The following MIB1 variants were observed in gnomAD, a reference collection of about 807,000 sequenced individuals.
MIB1 encodes MIB E3 ubiquitin protein ligase 1.
MIB1 carries 278 observed loss-of-function variants against 124.5 expected under a neutral mutation model. That is an observed-to-expected ratio of 2.23 (90% CI 2.02 to 2.47). The LOEUF is 2.47. Ranked by LOEUF, MIB1 falls within the 30% of genes most tolerant of loss-of-function variation. The pLI, the probability that MIB1 is intolerant of heterozygous loss-of-function variation, is 0.00. For synonymous variants in MIB1, 446 were observed against 429.4 expected (o/e 1.04, Z -0.48); for missense variants, 957 against 1,254.4 (o/e 0.76, Z 3.58).
At chr18:21,719,183 C>T (rs1001249697) in intron 1 of MIB1, among the ~76,000 whole-genome samples, 11 of 145,870 alleles carry the variant, frequency 7.5e-5, no homozygotes, top group Admixed American at 3.4e-4. Flanking sequence ...AGCAAAACTC[C>T]GTCTCAAAAA....
At chr18:21,803,402 A>G (rs533857589) in intron 9 of MIB1, among the ~76,000 whole-genome samples, 3 of 152,332 alleles carry the variant, frequency 2.0e-5, no homozygotes, top group African/African-American at 7.2e-5. Flanking sequence ...CTGCTTTATA[A>G]TAGTTGTATA....
chr18:21,756,700 G>T (rs926042516), intron 1 of MIB1, among the ~76,000 whole-genome samples: 3 of 152,146 alleles, frequency 2.0e-5, no homozygotes, highest in Non-Finnish European at 4.4e-5. Flanking sequence ...CTGATCTTAG[G>T]TGATCTGCCC....
At chr18:21,775,224 C>T (rs1169202149) in intron 4 of MIB1, among the ~76,000 whole-genome samples, 4 of 151,928 alleles carry the variant, frequency 2.6e-5, no homozygotes, top group African/African-American at 9.7e-5. Context: ...GGATTACAGG[C>T]GCGAGCCACC....
intron 12 of MIB1, among the ~76,000 whole-genome samples, chr18:21,834,181 T>C (rs1380941396): frequency 6.6e-6 from 1 of 152,236 alleles, no homozygotes; most frequent in Non-Finnish European, 1.5e-5. Flanking sequence ...GGAGACAGGC[T>C]GCTCTGAACT....
intron 12 of MIB1, among the ~76,000 whole-genome samples, chr18:21,825,281 CTTTAA>C (rs1426527372): frequency 1.3e-5 from 2 of 152,104 alleles, no homozygotes; most frequent in Non-Finnish European, 2.9e-5. Context: ...TTACAGTTTT[CTTTAA>C]TTTAAATATG....
upstream of MIB1, among the ~76,000 whole-genome samples, chr18:21,740,738 C>T (rs558885867): frequency 1.6e-4 from 24 of 152,372 alleles, no homozygotes; most frequent in African/African-American, 5.5e-4. Flanking sequence ...TCGCCCGGGG[C>T]TGGGGTTGGG....
rs776380810 is a variant in MIB1 at position 21,847,113 on chromosome 18, A to AG, written c.2383dup (p.Glu795GlyfsTer16). The AG allele has an allele frequency of 6.2e-7, 1 of 1,614,050 alleles. No individual in the cohort carries two copies. ...TGCAAAGCACTGGCAAAGTGTCATA[A>AG]GGAAAAAGTCAGGTTTGTATTATTT... On this transcript the variant is annotated frameshift_variant, in exon 16 of 21. Coordinates refer to ENST00000261537, the MANE Select transcript of MIB1 (RefSeq NM_020774.4). LOFTEE classifies it high-confidence loss of function.
At chr18:21,728,431 T>A (rs559050351) in intron 1 of MIB1, among the ~76,000 whole-genome samples, 1 of 152,020 alleles carries the variant, frequency 6.6e-6, no homozygotes, top group East Asian at 1.9e-4. Flanking sequence ...AGGTGGAGGT[T>A]GCAGTGAGCC....
intron 1 of MIB1, among the ~76,000 whole-genome samples, chr18:21,757,176 A>AT (rs1272045500): frequency 1.3e-5 from 2 of 151,782 alleles, no homozygotes; most frequent in African/African-American, 4.8e-5. Context: ...CTTTTAGGCC[A>AT]TGCGGTGGCT....
At chr18:21,766,068 C>A in intron 2 of MIB1, 125 bp downstream of exon 2, 1 of 850,526 alleles carries the variant, frequency 1.2e-6, no homozygotes, top group Non-Finnish European at 1.9e-6. Flanking sequence ...AGGAGGTACC[C>A]AATAGTAGGA....
chr18:21,720,254 G>A (rs1436644839), intron 1 of MIB1, among the ~76,000 whole-genome samples: 1 of 152,162 alleles, frequency 6.6e-6, no homozygotes, highest in African/African-American at 2.4e-5. Flanking sequence ...TATAGGTCTA[G>A]TAAATGAGTA....
intron 1 of MIB1, among the ~76,000 whole-genome samples, chr18:21,750,887 G>A (rs2040967198): frequency 6.6e-6 from 1 of 152,030 alleles, no homozygotes; most frequent in African/African-American, 2.4e-5. Context: ...GTAAATATAT[G>A]CTTCTTTTTA....
At chr18:21,856,792 A>G (rs1348720136) in intron 18 of MIB1, among the ~76,000 whole-genome samples, 2 of 152,258 alleles carry the variant, frequency 1.3e-5, no homozygotes, top group Non-Finnish European at 2.9e-5. Context: ...ATTAGTTGAC[A>G]TTTGTCAATA....
At chr18:21,717,998 C>T (rs1488450697) in intron 1 of MIB1, among the ~76,000 whole-genome samples, 1 of 152,134 alleles carries the variant, frequency 6.6e-6, no homozygotes, top group Non-Finnish European at 1.5e-5. Context: ...AACCCAAATG[C>T]CCATCAGTCA....
At chr18:21,839,929 C>A (rs747136866) in intron 13 of MIB1, among the ~76,000 whole-genome samples, 1 of 152,160 alleles carries the variant, frequency 6.6e-6, no homozygotes, top group Non-Finnish European at 1.5e-5. Context: ...GTAGCACACC[C>A]CTGTAATGCC....
At chr18:21,803,050 T>A (rs932494594) in intron 9 of MIB1, among the ~76,000 whole-genome samples, 1 of 152,218 alleles carries the variant, frequency 6.6e-6, no homozygotes, top group Admixed American at 6.5e-5. Flanking sequence ...GGATTCCCTG[T>A]GCTCTTTACA....
intron 1 of MIB1, among the ~76,000 whole-genome samples, chr18:21,742,097 T>C (rs1466316527): frequency 6.6e-6 from 1 of 151,826 alleles, no homozygotes; most frequent in Non-Finnish European, 1.5e-5. Flanking sequence ...CAGACACAGG[T>C]CCCCCAACCC....
In MIB1 at chr18:21,789,967, A is replaced by G. The variant is rs138764235; in HGVS notation, c.909-1407A>G. Among the ~76,000 whole-genome samples, 408 of 152,294 alleles carry G rather than the reference A, an allele frequency of 2.7e-3. 2 individuals are homozygous for G. Among genetic ancestry groups the G allele is most frequent in the African/African-American group, 8.7e-3 (363 of 41,568 alleles). ...AATTAGGGTAGGTGTTCTGTTATCA[A>G]TTGTGGTACATCTATTTGATGGAAT... is the stretch of plus-strand genomic sequence containing the variant. On this transcript the variant is annotated intron_variant, in intron 6 of 20. Transcript: ENST00000261537.
chr18:21,736,947 G>T (rs2040799186), upstream of MIB1, among the ~76,000 whole-genome samples: 1 of 152,206 alleles, frequency 6.6e-6, no homozygotes, highest in African/African-American at 2.4e-5. Flanking sequence ...CACTCTTCAG[G>T]ATATCATCCA....
Sources: gnomAD v4.1 joint callset for allele counts (sites outside exome capture counted in the v4.1 genomes callset) on GRCh38, gnomAD v4.1.1 for gene constraint, MANE v1.5 for transcripts, NCBI Gene and HGNC (gene_info 2026-07-23, HGNC 2026-07-21) for gene names.